The following MTMR4 variants were observed in gnomAD, a reference collection of about 807,000 sequenced individuals.
The protein encoded by MTMR4 is myotubularin related protein 4, also known as phosphatidylinositol-3,5-bisphosphate 3-phosphatase MTMR4.
Under a neutral mutation model 125.5 loss-of-function variants are expected in MTMR4, and 30 were observed. That is an observed-to-expected ratio of 0.24 (90% confidence interval 0.18 to 0.32). MTMR4 has a LOEUF of 0.32. MTMR4 is among the 10% of genes least tolerant of loss of function. MTMR4 has a pLI of 1.00. For synonymous variants in MTMR4, 498 were observed against 564.5 expected (o/e 0.88, Z 1.67); for missense variants, 1,039 against 1,511.5 (o/e 0.69, Z 5.18).
Position 58,495,609 on chromosome 17 carries a change from A to C in MTMR4, c.2575T>G (p.Ser859Ala), listed in dbSNP as rs1975441308. The stretch of plus-strand genomic sequence containing the variant: ...ACAGAACTCAGTTGTTCCTGGTGGG[A>C]GATACTTGCCACAGACCCTGAGGGA... ...QDPSGSVASISHQEQLSSVPD... is the reference protein window; with the variant it reads ...QDPSGSVASIAHQEQLSSVPD... The change falls in exon 15 of 18, where the codon TCC becomes GCC. Residue 859 changes from serine (S) to alanine (A), a missense_variant. This residue lies in a region of MTMR4 where 619 missense variants were observed against 714.5 expected (regional missense o/e 0.87). Coordinates refer to ENST00000682306, the MANE Select transcript of MTMR4 (RefSeq NM_001378067.1). 4 of 1,614,108 alleles carry C rather than the reference A, an allele frequency of 2.5e-6. No homozygotes were observed. The highest frequency in any genetic ancestry group is 3.4e-6 in the Non-Finnish European group (4 of 1,180,020).
intron 14 of MTMR4, among the ~76,000 whole-genome samples, chr17:58,499,177 ATT>A (rs1975552124): frequency 6.6e-6 from 1 of 151,598 alleles, no homozygotes; most frequent in African/African-American, 2.4e-5. Context: ...CCTGTCCTAT[ATT>A]TCCACTATTC....
intron 14 of MTMR4, among the ~76,000 whole-genome samples, chr17:58,498,076 A>C (rs968272844): frequency 5.3e-5 from 8 of 152,004 alleles, no homozygotes; most frequent in Admixed American, 3.9e-4. Flanking sequence ...AAAAATACAA[A>C]AACTAGCTGG....
At chr17:58,511,984 CTTTT>C (rs527911785) in intron 3 of MTMR4, among the ~76,000 whole-genome samples, 1 of 147,526 alleles carries the variant, frequency 6.8e-6, no homozygotes, top group Non-Finnish European at 1.5e-5. Context: ...GGATCCCCAA[CTTTT>C]TTTTTTTTAT....
At chr17:58,499,980 A>G (rs1444106345) in intron 14 of MTMR4, among the ~76,000 whole-genome samples, 1 of 152,030 alleles carries the variant, frequency 6.6e-6, no homozygotes, top group Non-Finnish European at 1.5e-5. Context: ...ATTTAAATTT[A>G]CTTATTACGT....
intron 1 of MTMR4, 67 bp downstream of exon 1, chr17:58,514,296 T>A: frequency 2.0e-6 from 2 of 987,272 alleles, no homozygotes; most frequent in Non-Finnish European, 1.2e-6. Context: ...TGGGCTGAAA[T>A]CGAGGGCTGA....
At chr17:58,501,295 G>A (rs536566053) in intron 14 of MTMR4, among the ~76,000 whole-genome samples, 4 of 152,148 alleles carry the variant, frequency 2.6e-5, no homozygotes, top group Non-Finnish European at 2.9e-5. Flanking sequence ...AAGATCACTC[G>A]ACGCCAGGAA....
intron 4 of MTMR4, among the ~76,000 whole-genome samples, chr17:58,509,227 C>T (rs1975861814): frequency 6.6e-6 from 1 of 151,568 alleles, no homozygotes; most frequent in Non-Finnish European, 1.5e-5. Context: ...GGAAGTTCTG[C>T]TCACATCCTT....
Position 58,514,403 on chromosome 17 carries a change from C to T in MTMR4, c.5G>A (p.Ser2Asn), listed in dbSNP as rs928696360. The T allele has an allele frequency of 4.1e-6, 4 of 986,512 alleles. No individual in the cohort carries two copies. Among genetic ancestry groups the T allele is most frequent in the Non-Finnish European group, 4.8e-6 (4 of 830,210 alleles). 61.1% of individuals were successfully genotyped at this position (986,512 alleles called of 1,614,324 possible). The part of the protein sequence containing the change: M[S>N]LTARVSCSML... ...GGAGCAGGAGACGCGGGCGGTCAGG[C>T]TCATGGTCGCGGGCGGTCTGGGCCA... is the stretch of plus-strand genomic sequence containing the variant. Residue 2 changes from serine (S) to asparagine (N), a missense_variant, in exon 1 of 18, where the codon AGC (serine) becomes AAC (asparagine). Transcript: ENST00000682306.
chr17:58,502,519 TAAA>T (rs5821237), intron 14 of MTMR4, among the ~76,000 whole-genome samples: 7 of 144,662 alleles, frequency 4.8e-5, no homozygotes, highest in African/African-American at 1.5e-4. Context: ...CCTGTAATGA[TAAA>T]AAAAAAAAAA....
chr17:58,505,043 C>T (rs1025856615), intron 10 of MTMR4, 69 bp from the exon 11 acceptor site: 107 of 1,433,954 alleles, frequency 7.5e-5, no homozygotes, highest in Non-Finnish European at 9.8e-5. Context: ...CCACCATCCA[C>T]AGCCAGCCCC....
Position 58,504,271 on chromosome 17 carries a change from C to A in MTMR4, c.1527+32G>T. On this transcript the variant is annotated intron_variant, in intron 12 of 17. Transcript: ENST00000682306. This position sits in a 1 kb window ranked among gnomAD's most constrained non-coding sequence, Gnocchi z 7.1. ...TGGGGGCCTCGGGCTGTCATTCCCC[C>A]CATCCCTGTTGTCACAGGCCTTAGG... The A allele has an allele frequency of 6.2e-7, 1 of 1,606,002 alleles. No individual in the cohort carries two copies. Among genetic ancestry groups the A allele is most frequent in the Non-Finnish European group, 8.5e-7 (1 of 1,173,230 alleles).
chr17:58,503,303 A>G (rs942010692), intron 14 of MTMR4, among the ~76,000 whole-genome samples: 6 of 152,148 alleles, frequency 3.9e-5, no homozygotes, highest in Non-Finnish European at 8.8e-5. Context: ...GGCTAGCTAC[A>G]AGTCTTGGCC....
chr17:58,497,753 G>T (rs1211926689), intron 14 of MTMR4, among the ~76,000 whole-genome samples: 1 of 152,194 alleles, frequency 6.6e-6, no homozygotes, highest in African/African-American at 2.4e-5. Flanking sequence ...CCAATTGAAT[G>T]TGTGATACAC....
At chr17:58,517,555 GA>G (rs1181935949), upstream of MTMR4, among the ~76,000 whole-genome samples, 1 of 152,256 alleles carries the variant, frequency 6.6e-6, no homozygotes, top group Non-Finnish European at 1.5e-5. Context: ...CCCAGGGAAG[GA>G]AGGGAGGGAA....
chr17:58,502,509 C>T (rs1409761423), intron 14 of MTMR4, among the ~76,000 whole-genome samples: 2 of 107,910 alleles, frequency 1.9e-5, no homozygotes, highest in Admixed American at 2.1e-4. Context: ...TAAAGCACTC[C>T]CTGTAATGAT....
intron 1 of MTMR4, 61 bp from the exon 2 acceptor site, chr17:58,513,002 C>T: frequency 8.3e-7 from 1 of 1,204,546 alleles, no homozygotes; most frequent in Non-Finnish European, 1.2e-6. Flanking sequence ...GCTCATTCTG[C>T]TCCTCTCCCC....
Position 58,514,432 on chromosome 17 carries a change from C to T in MTMR4, c.-25G>A. 1 of 985,698 alleles carries T rather than the reference C, an allele frequency of 1.0e-6. No homozygotes were observed. Among genetic ancestry groups the T allele is most frequent in the Non-Finnish European group, 1.2e-6 (1 of 829,896 alleles). 61.1% of individuals were successfully genotyped at this position (985,698 alleles called of 1,614,324 possible). A position where few individuals can be genotyped will look rare whatever the true frequency, so the allele number is the denominator to read the frequency against. ...TGGTCGCGGGCGGTCTGGGCCAGCG[C>T]ACATGTCCCCGGAGCCGCTGCGCTG... On this transcript the variant is annotated 5_prime_UTR_variant, in exon 1 of 18. Coordinates refer to ENST00000682306, the MANE Select transcript of MTMR4 (RefSeq NM_001378067.1).
intron 14 of MTMR4, among the ~76,000 whole-genome samples, chr17:58,499,478 C>T (rs73321644): frequency 0.015 from 2,237 of 152,062 alleles, 44 homozygotes; most frequent in African/African-American, 0.04. Context: ...ACCCGGTGGG[C>T]GGAGTGAGCT....
intron 9 of MTMR4, among the ~76,000 whole-genome samples, chr17:58,506,179 T>C (rs1032063542): frequency 6.6e-6 from 1 of 152,244 alleles, no homozygotes; most frequent in Non-Finnish European, 1.5e-5. Context: ...TAATTTTATA[T>C]ATACAACTTC....
Sources: allele counts gnomAD v4.1 joint callset (sites outside exome capture counted in the v4.1 genomes callset), GRCh38; gene constraint gnomAD v4.1.1; regional missense constraint gnomAD v4.1.1; non-coding constraint Gnocchi (gnomAD v3.1); transcripts MANE v1.5; gene names NCBI Gene and HGNC (gene_info 2026-07-23, HGNC 2026-07-21).